The following HOOK1 variants were observed in gnomAD, a reference collection of about 807,000 sequenced individuals.
HOOK1 encodes the protein hook microtubule tethering protein 1, also known as protein Hook homolog 1.
HOOK1 carries 60 observed loss-of-function variants against 112.8 expected under a neutral mutation model. The observed-to-expected ratio is 0.53, with a 90% CI of 0.43 to 0.66. The LOEUF is 0.66. Among genes scored for constraint, HOOK1 ranks in the 30% least tolerant of loss-of-function variants. HOOK1 has a pLI of 0.00. For missense variants in HOOK1, 770 were observed against 856.0 expected (o/e 0.90, Z 1.25); for synonymous variants, 294 against 283.8 (o/e 1.04, Z -0.36).
chr1:59,868,457 A>C lies in HOOK1; in HGVS notation c.1947+106A>C, dbSNP rs1644004580. 5.3e-6 allele frequency: 4 copies of C among 759,996 alleles called. No homozygotes were observed. In the South Asian group the frequency reaches 6.3e-5, roughly 12 times the overall value. 47.1% of individuals were successfully genotyped at this position (759,996 alleles called of 1,614,324 possible). A position where few individuals can be genotyped will look rare whatever the true frequency, so the allele number is the denominator to read the frequency against. On this transcript the variant is annotated intron_variant, in intron 20 of 21. Transcript: ENST00000371208. ...TGATCAAGTTTTACAAGAAGTTAAA[A>C]ATGTCATGTTTTAGCACCCAGTGTG...
At chr1:59,865,340 A>G (rs1360309469) in intron 18 of HOOK1, 95 bp downstream of exon 18, 3 of 702,478 alleles carry the variant, frequency 4.3e-6, no homozygotes, top group African/African-American at 1.8e-5. Flanking sequence ...AAGTTTTTGC[A>G]CAATGTGTAG....
At chr1:59,855,371 G>T (rs1228942237) in intron 12 of HOOK1, among the ~76,000 whole-genome samples, 1 of 152,146 alleles carries the variant, frequency 6.6e-6, no homozygotes, top group African/African-American at 2.4e-5. Context: ...TTCCACTTGT[G>T]AGAACACGTG....
intron 13 of HOOK1, 140 bp from the exon 14 acceptor site, chr1:59,858,845 G>A (rs374663057): frequency 6.6e-4 from 237 of 357,172 alleles, no homozygotes; most frequent in African/African-American, 4.9e-3. Flanking sequence ...GAGGGGAGGG[G>A]AGCGGGGAAT....
Position 59,826,046 on chromosome 1 carries a change from T to C in HOOK1, c.150-2734T>C, listed in dbSNP as rs184742620. On this transcript the variant is annotated intron_variant, in intron 2 of 21. Transcript: ENST00000371208. Reference sequence around the variant, plus strand: ...AAGAAGAATAGGCTCTGGGTATACATTGAAGTGACACAACTATATTGTTTA... The same window carrying C: ...AAGAAGAATAGGCTCTGGGTATACACTGAAGTGACACAACTATATTGTTTA... Among the ~76,000 whole-genome samples the C allele has an allele frequency of 4.6e-5, 7 of 152,292 alleles. No homozygotes were observed. The East Asian group carries it at 5.8e-4, about 13-fold the overall frequency.
chr1:59,866,099 C>A, intron 19 of HOOK1, 127 bp downstream of exon 19: 1 of 616,960 alleles, frequency 1.6e-6, no homozygotes, highest in South Asian at 1.8e-5. Context: ...TATTGCCTTA[C>A]CTGTCAGGTT....
chr1:59,858,429 G>A lies in HOOK1; in HGVS notation c.1244G>A (p.Arg415Lys). ...GCTGATATCAACAATTCTTTTCAGAGACTAATTGAGCAGCGTGATACTTTG... is the reference window on the plus strand; with the variant it reads ...GCTGATATCAACAATTCTTTTCAGAAACTAATTGAGCAGCGTGATACTTTG... ...KHEALLKEKE[R>K]LIEQRDTLKE... Residue 415 changes from arginine (R) to lysine (K), a missense_variant and splice_region_variant, in exon 13 of 22, where the codon AGA (arginine) becomes AAA (lysine). Physicochemically the swap from Arg to Lys is conservative, Grantham distance 26. Around this residue, in one of 3 missense-constraint regions of HOOK1, gnomAD observed 655 missense variants for 725.9 expected, o/e 0.90. Transcript: ENST00000371208. 1.9e-6 allele frequency: 3 copies of A among 1,602,340 alleles called. No homozygotes were observed.
chr1:59,846,992 T>G, intron 9 of HOOK1, 53 bp from the exon 10 acceptor site: 1 of 1,440,236 alleles, frequency 6.9e-7, no homozygotes, highest in South Asian at 1.3e-5. Context: ...TACAATTATA[T>G]AATTATAACA....
At chr1:59,866,986 T>C (rs552596311) in intron 19 of HOOK1, among the ~76,000 whole-genome samples, 18 of 152,320 alleles carry the variant, frequency 1.2e-4, no homozygotes, top group African/African-American at 3.6e-4. Flanking sequence ...ATGCCTGATA[T>C]GTATTTCTAA....
chr1:59,821,632 C>T (rs996815604), intron 1 of HOOK1, among the ~76,000 whole-genome samples: 1 of 152,080 alleles, frequency 6.6e-6, no homozygotes, highest in African/African-American at 2.4e-5. Flanking sequence ...TTCTAATGTC[C>T]TAGGCATGAT....
At chr1:59,850,875 A>G (rs1159726368) in intron 12 of HOOK1, among the ~76,000 whole-genome samples, 1 of 151,556 alleles carries the variant, frequency 6.6e-6, no homozygotes, top group Non-Finnish European at 1.5e-5. Flanking sequence ...GAGGAATGTA[A>G]AAGAACTCTG....
intron 15 of HOOK1, 21 bp downstream of exon 15, chr1:59,860,349 T>G (rs753027394): frequency 6.6e-7 from 1 of 1,525,440 alleles, no homozygotes; most frequent in Non-Finnish European, 8.8e-7. Flanking sequence ...CCTTAGTAAC[T>G]GAAAATCTTG....
At chr1:59,831,090 G>A (rs572764847) in intron 3 of HOOK1, among the ~76,000 whole-genome samples, 25 of 151,714 alleles carry the variant, frequency 1.6e-4, no homozygotes, top group African/African-American at 3.1e-4. Flanking sequence ...GAGTAGAGGC[G>A]GGGTTTCGCC....
chr1:59,854,307 C>A (rs552729256), intron 12 of HOOK1, among the ~76,000 whole-genome samples: 57 of 151,662 alleles, frequency 3.8e-4, no homozygotes, highest in African/African-American at 1.3e-3. Context: ...GCCTCGACCT[C>A]CCAAAGTGCT....
At chr1:59,871,474 A>T (rs567544761) in intron 21 of HOOK1, among the ~76,000 whole-genome samples, 1 of 152,334 alleles carries the variant, frequency 6.6e-6, no homozygotes, top group Admixed American at 6.5e-5. Context: ...GTGTAATGCA[A>T]AATTAAATGC....
rs956829416 is a variant in HOOK1, at chr1:59,823,213, G to A, written c.149+1270G>A. Among the ~76,000 whole-genome samples, 17 of 152,126 alleles carry A rather than the reference G, an allele frequency of 1.1e-4. 1 individual carries two copies. In the East Asian group the frequency reaches 1.7e-3, roughly 16 times the overall value. Reference sequence around the variant, plus strand: ...CGGGCGCCTGTAGTCCCAGCTACTCGGGAGGCTGAGGCAGGAGAATGGCGT... The same window carrying A: ...CGGGCGCCTGTAGTCCCAGCTACTCAGGAGGCTGAGGCAGGAGAATGGCGT... On this transcript the variant is annotated intron_variant, in intron 2 of 21. Coordinates refer to ENST00000371208, the MANE Select transcript of HOOK1 (RefSeq NM_015888.6).
chr1:59,836,859 T>C lies in HOOK1; in HGVS notation c.475-14T>C. The C allele has an allele frequency of 1.4e-6, 2 of 1,447,932 alleles. No homozygotes were observed. Among genetic ancestry groups the C allele is most frequent in the Non-Finnish European group, 1.9e-6 (2 of 1,041,032 alleles). The allele number at this position is 1,447,932 out of a possible 1,614,324, so 89.7% of individuals were successfully genotyped here. ...CACATTGTTATACTTAATTTTATTA[T>C]TTTAATTTCCTAGTTGATGAGTAAA... On this transcript the variant is annotated splice_polypyrimidine_tract_variant and intron_variant, in intron 6 of 21. Coordinates refer to ENST00000371208, the MANE Select transcript of HOOK1 (RefSeq NM_015888.6).
rs959781362 is a variant in HOOK1 at position 59,815,021 on chromosome 1, C to T, written c.-97C>T. 2 of 1,298,158 alleles carry T rather than the reference C, an allele frequency of 1.5e-6. No homozygotes were observed. Among genetic ancestry groups the T allele is most frequent in the African/African-American group, 2.9e-5 (2 of 68,330 alleles). 80.4% of individuals were successfully genotyped at this position (1,298,158 alleles called of 1,614,324 possible). ...CGGGTCGGGCCTGGTACCGAGCTTT[C>T]CTGGGGGCTAGCAGGTCGTGGACGC... is the stretch of plus-strand genomic sequence containing the variant. On this transcript the variant is annotated 5_prime_UTR_variant, in exon 1 of 22. Transcript: ENST00000371208.
At chr1:59,840,183 G>A (rs2098400308) in intron 7 of HOOK1, 125 bp from the exon 8 acceptor site, 2 of 479,134 alleles carry the variant, frequency 4.2e-6, no homozygotes, top group Non-Finnish European at 6.9e-6. Context: ...TTCTTATTAG[G>A]TAAATTCAAA....
At chr1:59,821,964 C>T (rs1003728720) in intron 2 of HOOK1, 21 bp downstream of exon 2, 3 of 1,580,016 alleles carry the variant, frequency 1.9e-6, no homozygotes, top group Non-Finnish European at 1.7e-6. Context: ...GTCAGACTCT[C>T]CCTGAAAAGC....
Sources: gnomAD v4.1 joint callset for allele counts (sites outside exome capture counted in the v4.1 genomes callset) on GRCh38, gnomAD v4.1.1 for gene constraint, gnomAD v4.1.1 regional missense constraint, MANE v1.5 for transcripts, NCBI Gene and HGNC (gene_info 2026-07-23, HGNC 2026-07-21) for gene names.